RAB7B: variants seen among roughly 807,000 people sequenced by gnomAD.
RAB7B encodes ras-related protein Rab-7b.
chr1:205,987,465 A>T (rs1459233681), intron 4 of RAB7B, among the ~76,000 whole-genome samples: 1 of 152,246 alleles, frequency 6.6e-6, no homozygotes, highest in Non-Finnish European at 1.5e-5. Flanking sequence ...AAATTAGTCC[A>T]GTTGGCATCA....
At chr1:205,985,102 G>A (rs1660566767) in intron 5 of RAB7B, among the ~76,000 whole-genome samples, 1 of 152,184 alleles carries the variant, frequency 6.6e-6, no homozygotes, top group Non-Finnish European at 1.5e-5. Context: ...GTACCTAGGG[G>A]TCTACGTCTA....
intron 1 of RAB7B, among the ~76,000 whole-genome samples, chr1:205,996,996 G>A (rs1201681388): frequency 6.6e-6 from 1 of 152,204 alleles, no homozygotes; most frequent in Non-Finnish European, 1.5e-5. Flanking sequence ...TACAATTCAA[G>A]ATGAGATTTT....
chr1:205,993,332 G>A, intron 3 of RAB7B, 88 bp downstream of exon 3: 1 of 396,086 alleles, frequency 2.5e-6, no homozygotes, highest in Non-Finnish European at 4.4e-6. Context: ...TTCTAGCTCT[G>A]GTTCACATTG....
chr1:205,988,089 T>C (rs1660645425), intron 4 of RAB7B, among the ~76,000 whole-genome samples: 1 of 152,128 alleles, frequency 6.6e-6, no homozygotes, highest in South Asian at 2.1e-4. Flanking sequence ...GGTACATTCA[T>C]ATTGTATTCA....
chr1:205,983,666 T>A (rs1161182450), intron 5 of RAB7B: 5 of 152,172 alleles, frequency 3.3e-5, no homozygotes, highest in Admixed American at 3.3e-4. Context: ...TCCAGGCCAG[T>A]CTGATCACAG....
At chr1:205,988,444 AG>A (rs1660656624) in intron 4 of RAB7B, among the ~76,000 whole-genome samples, 1 of 152,150 alleles carries the variant, frequency 6.6e-6, no homozygotes, top group Admixed American at 6.5e-5. Context: ...CATGTTGCCC[AG>A]GATGGTCTCG....
At chr1:205,980,277 A>G (rs1158036469) in intron 5 of RAB7B, among the ~76,000 whole-genome samples, 1 of 152,188 alleles carries the variant, frequency 6.6e-6, no homozygotes, top group South Asian at 2.1e-4. Flanking sequence ...CATTTGTTGC[A>G]TGGGCAAAGC....
chr1:205,996,742 C>T (rs923634308), intron 1 of RAB7B, among the ~76,000 whole-genome samples: 454 of 152,216 alleles, frequency 3.0e-3, no homozygotes, highest in African/African-American at 0.011. Flanking sequence ...TAATTGGTTC[C>T]GCATGGCTGG....
In RAB7B at chr1:205,992,561, A is replaced by C. The variant is rs1660738993; in HGVS notation, c.315T>G (p.Asp105Glu). 2.5e-6 allele frequency: 1 copy of C among 398,626 alleles called. No individual in the cohort carries two copies. Among genetic ancestry groups the C allele is most frequent in the Non-Finnish European group, 4.4e-6 (1 of 226,122 alleles). The allele number at this position is 398,626 out of a possible 1,614,324, so 24.7% of individuals were successfully genotyped here. A position where few individuals can be genotyped will look rare whatever the true frequency, so the allele number is the denominator to read the frequency against. Residue 105 changes from aspartate to glutamate, a missense_variant, in exon 4 of 6, where the codon GAT becomes GAG. Coordinates refer to ENST00000617070, the MANE Select transcript of RAB7B (RefSeq NM_001164522.3). ...SFEALDIWRG[D>E]VLAKIVPMEQ... ...CCATGGGGACAATCTTGGCCAGGAC[A>C]TCACCCCGCCAGATATCCAGGGCTT...
intron 5 of RAB7B, chr1:205,984,172 C>G (rs1159554021): frequency 3.3e-5 from 5 of 152,294 alleles, no homozygotes; most frequent in African/African-American, 1.2e-4. Flanking sequence ...AGAGGGACAC[C>G]TCTCTGCTTT....
chr1:205,993,568 T>G lies in RAB7B; in HGVS notation c.54-22A>C, dbSNP rs1018992301. 1.8e-4 allele frequency: 71 copies of G among 398,552 alleles called. No homozygotes were observed. In the South Asian group the frequency reaches 7.8e-3, roughly 44 times the overall value. 24.7% of individuals were successfully genotyped at this position (398,552 alleles called of 1,614,324 possible). The stretch of plus-strand genomic sequence containing the variant: ...CACACTGAGGAAAATTCCAGACACA[T>G]GTGAACACACACATGCAAACACACA... On this transcript the variant is annotated intron_variant, in intron 2 of 5. Coordinates refer to ENST00000617070, the MANE Select transcript of RAB7B (RefSeq NM_001164522.3).
intron 1 of RAB7B, among the ~76,000 whole-genome samples, chr1:205,998,085 G>A (rs1052485496): frequency 6.6e-6 from 1 of 152,170 alleles, no homozygotes; most frequent in South Asian, 2.1e-4. Flanking sequence ...GCTGGGTGCC[G>A]TGTCTCAAGC....
intron 1 of RAB7B, among the ~76,000 whole-genome samples, chr1:206,002,380 C>T (rs1015452921): frequency 2.6e-5 from 4 of 152,172 alleles, no homozygotes; most frequent in Non-Finnish European, 4.4e-5. Context: ...CAGGGCTGTG[C>T]CTCACACCTC....
At position 205,978,504 on chromosome 1, in the gene RAB7B, G is replaced by A. The variant is rs1660427126; in HGVS notation, c.*347C>T. ...AGGATGTAACCAGACTCCAATCAGT[G>A]GCCGGTCTGCGGAGATGTGTGTTCT... is the stretch of plus-strand genomic sequence containing the variant. On this transcript the variant is annotated 3_prime_UTR_variant, in exon 6 of 6. Transcript: ENST00000617070. The A allele has an allele frequency of 1.1e-5, 2 of 189,740 alleles. No homozygotes were observed. The allele number at this position is 189,740 out of a possible 1,614,324, so 11.8% of individuals were successfully genotyped here. A position where few individuals can be genotyped will look rare whatever the true frequency, so the allele number is the denominator to read the frequency against.
chr1:206,002,047 C>CA lies in RAB7B; in HGVS notation c.-17+1205dup, dbSNP rs1487336161. 4.8e-3 allele frequency among the ~76,000 whole-genome samples: 731 copies of CA among 152,268 alleles called. 1 individual carries two copies. The highest frequency in any genetic ancestry group is 0.01 in the Middle Eastern group (3 of 294). On this transcript the variant is annotated intron_variant, in intron 1 of 5. Transcript: ENST00000617070. ...TCCCGCCCCCATCATACTATCTTTC[C>CA]AGGCTCTTGTCCACTTTCAGCACCT...
chr1:205,989,123 C>T (rs1660672490), intron 4 of RAB7B, among the ~76,000 whole-genome samples: 2 of 150,746 alleles, frequency 1.3e-5, no homozygotes, highest in Non-Finnish European at 2.9e-5. Flanking sequence ...GCTCCCCTCT[C>T]CTCCATCCTC....
chr1:205,989,152 C>T (rs1309326181), intron 4 of RAB7B, among the ~76,000 whole-genome samples: 1 of 151,972 alleles, frequency 6.6e-6, no homozygotes, highest in African/African-American at 2.4e-5. Context: ...CCTCTCCTCA[C>T]CCCTCCTCCA....
intron 1 of RAB7B, among the ~76,000 whole-genome samples, chr1:205,999,037 C>T (rs1179215531): frequency 5.3e-5 from 8 of 152,156 alleles, no homozygotes; most frequent in Non-Finnish European, 8.8e-5. Flanking sequence ...GGAGTCCAGG[C>T]CTAACCCCAG....
chr1:205,989,247 C>T (rs995514883), intron 4 of RAB7B, among the ~76,000 whole-genome samples: 7 of 152,154 alleles, frequency 4.6e-5, no homozygotes, highest in Non-Finnish European at 7.4e-5. Context: ...GCCTTCCCCA[C>T]TGGGGCTATT....
Sources: allele counts gnomAD v4.1 joint callset (sites outside exome capture counted in the v4.1 genomes callset), GRCh38; gene constraint gnomAD v4.1.1; transcripts MANE v1.5; gene names NCBI Gene and HGNC (gene_info 2026-07-23, HGNC 2026-07-21).